The following SCFD2 variants were observed in gnomAD, a reference collection of about 807,000 sequenced individuals.
SCFD2 encodes the protein sec1 family domain-containing protein 2.
SCFD2 carries 54 observed loss-of-function variants against 58.9 expected under a neutral mutation model. The observed-to-expected ratio is 0.92, with a 90% CI of 0.74 to 1.15. The LOEUF is 1.15. Among genes scored for constraint, SCFD2 ranks in the 50% most tolerant of loss-of-function variants. The pLI, the probability that SCFD2 is intolerant of heterozygous loss-of-function variation, is 0.00. For synonymous variants in SCFD2, 321 were observed against 335.9 expected, an observed-to-expected ratio of 0.96 and a Z score of 0.49; for missense variants, 805 against 836.6, an observed-to-expected ratio of 0.96 and a Z score of 0.47.
intron 4 of SCFD2, among the ~76,000 whole-genome samples, chr4:53,182,051 C>A (rs1727579890): frequency 6.6e-6 from 1 of 152,148 alleles, no homozygotes; most frequent in African/African-American, 2.4e-5. Context: ...TAGGAAGAAT[C>A]AATATCGTGA....
chr4:53,183,943 C>T (rs1727661991), intron 4 of SCFD2, among the ~76,000 whole-genome samples: 1 of 152,286 alleles, frequency 6.6e-6, no homozygotes, highest in African/African-American at 2.4e-5. Context: ...CAAGCACATA[C>T]AACAGTTAAT....
chr4:53,197,992 T>C lies in SCFD2; in HGVS notation c.1312-52410A>G, dbSNP rs535222002. On this transcript the variant is annotated intron_variant, in intron 4 of 8. Transcript: ENST00000401642. ...AGGAAATATGGAAACTGAAACTATTTGTACTTAATGCTTGGCTTCCAATGA... is the reference window on the plus strand; with the variant it reads ...AGGAAATATGGAAACTGAAACTATTCGTACTTAATGCTTGGCTTCCAATGA... Among the ~76,000 whole-genome samples, 15 of 152,204 alleles carry C rather than the reference T, an allele frequency of 9.9e-5. No individual in the cohort carries two copies. The South Asian group carries it at 2.7e-3, about 27-fold the overall frequency.
In SCFD2 at chr4:53,214,619, G is replaced by A. The variant is rs145534175; in HGVS notation, c.1311+59207C>T. Among the ~76,000 whole-genome samples, 394 of 152,168 alleles carry A rather than the reference G, an allele frequency of 2.6e-3. 6 individuals are homozygous for A. Among genetic ancestry groups the A allele is most frequent in the African/African-American group, 8.8e-3 (366 of 41,472 alleles). On this transcript the variant is annotated intron_variant, in intron 4 of 8. Coordinates refer to ENST00000401642, the MANE Select transcript of SCFD2 (RefSeq NM_152540.4). ...CTGTAGGTTGCCTGTTGACTATGATGGTAGTTTCTTTTGCTGCACAGAAGC... is the reference window on the plus strand; with the variant it reads ...CTGTAGGTTGCCTGTTGACTATGATAGTAGTTTCTTTTGCTGCACAGAAGC...
chr4:52,982,859 C>T (rs760380718), intron 5 of SCFD2, among the ~76,000 whole-genome samples: 3 of 152,098 alleles, frequency 2.0e-5, no homozygotes, highest in Non-Finnish European at 2.9e-5. Flanking sequence ...TACTTCATCC[C>T]AATTTATTTT....
At chr4:52,971,770 G>C (rs990924439) in intron 5 of SCFD2, among the ~76,000 whole-genome samples, 1 of 152,194 alleles carries the variant, frequency 6.6e-6, no homozygotes. Flanking sequence ...CAGAGAGAAA[G>C]GTCGGGTTAC....
intron 4 of SCFD2, among the ~76,000 whole-genome samples, chr4:53,238,183 A>AC (rs1225799082): frequency 1.6e-5 from 2 of 121,674 alleles, no homozygotes; most frequent in Admixed American, 8.1e-5. Context: ...CGGGGGGCTG[A>AC]CCCCCCCACC....
At chr4:52,929,534 G>T (rs1449262648) in intron 5 of SCFD2, among the ~76,000 whole-genome samples, 1 of 152,172 alleles carries the variant, frequency 6.6e-6, no homozygotes, top group Non-Finnish European at 1.5e-5. Flanking sequence ...GCAAGTGGCT[G>T]CCCAGCTAGA....
chr4:53,088,468 A>AGATTTTTCT (rs1724376771), intron 5 of SCFD2, among the ~76,000 whole-genome samples: 1 of 152,224 alleles, frequency 6.6e-6, no homozygotes, highest in African/African-American at 2.4e-5. Flanking sequence ...AAGCCAAAAA[A>AGATTTTTCT]GATTTTTCTC....
intron 5 of SCFD2, among the ~76,000 whole-genome samples, chr4:53,074,362 C>A (rs898026812): frequency 3.9e-5 from 6 of 152,108 alleles, no homozygotes; most frequent in Admixed American, 2.6e-4. Context: ...AAGTCTTGAA[C>A]CCTTCAAAGT....
chr4:52,968,272 T>G (rs1295988337), intron 5 of SCFD2, among the ~76,000 whole-genome samples: 1 of 152,254 alleles, frequency 6.6e-6, no homozygotes, highest in Non-Finnish European at 1.5e-5. Flanking sequence ...CATTGTTGTT[T>G]GACATTTTAA....
chr4:53,036,949 G>C (rs550669876), intron 5 of SCFD2, among the ~76,000 whole-genome samples: 2 of 152,218 alleles, frequency 1.3e-5, no homozygotes, highest in Admixed American at 6.5e-5. Flanking sequence ...GGCTGGTTTG[G>C]GGGGAAAGGG....
chr4:52,920,029 C>T (rs1719697750), intron 6 of SCFD2, among the ~76,000 whole-genome samples: 9 of 152,200 alleles, frequency 5.9e-5, no homozygotes, highest in Admixed American at 5.9e-4. Flanking sequence ...TCATCTTTGG[C>T]CACCAGGAAC....
At chr4:53,158,301 A>G (rs964461942) in intron 4 of SCFD2, among the ~76,000 whole-genome samples, 5 of 152,210 alleles carry the variant, frequency 3.3e-5, no homozygotes, top group African/African-American at 1.2e-4. Context: ...GTAAATACAT[A>G]TCTCCAGCCA....
chr4:53,133,675 C>T (rs1194463008), intron 5 of SCFD2, among the ~76,000 whole-genome samples: 3 of 152,166 alleles, frequency 2.0e-5, no homozygotes, highest in African/African-American at 4.8e-5. Context: ...GATAAGAATA[C>T]ATACATGGTT....
chr4:53,237,783 C>CCCAT (rs1729697679), intron 4 of SCFD2, among the ~76,000 whole-genome samples: 2 of 82,624 alleles, frequency 2.4e-5, no homozygotes, highest in African/African-American at 5.0e-5. Context: ...GACCCCCCCA[C>CCCAT]CTCCATCCCG....
At chr4:52,973,692 C>A (rs1209378531) in intron 5 of SCFD2, among the ~76,000 whole-genome samples, 1 of 152,134 alleles carries the variant, frequency 6.6e-6, no homozygotes, top group Admixed American at 6.5e-5. Flanking sequence ...ATCCTGATAC[C>A]AAAGCCTGGC....
At chr4:53,028,209 T>C (rs528706409) in intron 5 of SCFD2, among the ~76,000 whole-genome samples, 1 of 152,200 alleles carries the variant, frequency 6.6e-6, no homozygotes, top group African/African-American at 2.4e-5. Context: ...ATTGCGCCAC[T>C]GTACTCCAGC....
At chr4:53,326,767 G>A (rs76737157) in intron 2 of SCFD2, among the ~76,000 whole-genome samples, 2,432 of 152,108 alleles carry the variant, frequency 0.016, 71 homozygotes, top group African/African-American at 0.056. Flanking sequence ...TCTAAACCAC[G>A]GTGTCCTAAA....
intron 5 of SCFD2, among the ~76,000 whole-genome samples, chr4:52,984,417 CTA>C (rs1310413540): frequency 6.6e-6 from 1 of 152,198 alleles, no homozygotes; most frequent in African/African-American, 2.4e-5. Flanking sequence ...ATCAACACTG[CTA>C]TGAGGATCCA....
Sources: allele counts gnomAD v4.1 joint callset (sites outside exome capture counted in the v4.1 genomes callset), GRCh38; gene constraint gnomAD v4.1.1; transcripts MANE v1.5; gene names NCBI Gene and HGNC (gene_info 2026-07-23, HGNC 2026-07-21).